GPA33: variants seen among roughly 807,000 people sequenced by gnomAD.
GPA33 encodes cell surface A33 antigen.
Under a neutral mutation model 35.6 loss-of-function variants are expected in GPA33, and 27 were observed. That is an observed-to-expected ratio of 0.76 (90% CI 0.56 to 1.04). The LOEUF is 1.04. GPA33 is among the 50% of genes least tolerant of loss of function. GPA33 has a pLI of 0.00. For missense variants in GPA33, 428 were observed against 411.9 expected (o/e 1.04, Z -0.34); for synonymous variants, 176 against 164.0 (o/e 1.07, Z -0.56).
At chr1:167,058,185 C>T (rs2025887) in intron 4 of GPA33, 66,269 of 151,656 alleles carry the variant, frequency 0.44, 14,900 homozygotes, top group South Asian at 0.6. Context: ...AGTAACAAAG[C>T]GAGATTCCAT....
intron 4 of GPA33, among the ~76,000 whole-genome samples, chr1:167,062,714 C>T (rs1226772949): frequency 1.6e-5 from 2 of 125,988 alleles, no homozygotes; most frequent in African/African-American, 2.9e-5. Context: ...CAGTACAAAA[C>T]TGGTCTCCTG....
At chr1:167,075,440 A>T (rs1666805712) in intron 1 of GPA33, among the ~76,000 whole-genome samples, 1 of 152,164 alleles carries the variant, frequency 6.6e-6, no homozygotes, top group Admixed American at 6.5e-5. Context: ...GTGTTAGAGG[A>T]AAACAGGAGT....
At chr1:167,089,983 A>C (rs1270833159) in intron 1 of GPA33, among the ~76,000 whole-genome samples, 2 of 152,098 alleles carry the variant, frequency 1.3e-5, no homozygotes, top group Non-Finnish European at 2.9e-5. Flanking sequence ...CTATAATCTA[A>C]TTTGGGATAA....
chr1:167,083,332 G>A (rs1666989727), intron 1 of GPA33, among the ~76,000 whole-genome samples: 1 of 152,220 alleles, frequency 6.6e-6, no homozygotes, highest in Non-Finnish European at 1.5e-5. Flanking sequence ...CACAGAGGTT[G>A]GAGACAAGCA....
chr1:167,056,001 G>A (rs889678402), intron 4 of GPA33, 152 bp from the exon 5 acceptor site: 12 of 713,248 alleles, frequency 1.7e-5, no homozygotes, highest in African/African-American at 1.2e-4. Context: ...GCTGCAGGAC[G>A]CTTAAACCAG....
rs1319963282 is a variant in GPA33, at chr1:167,055,000, G to A, written c.803C>T (p.Thr268Ile). The change falls in exon 6 of 7, where the codon ACT becomes ATT. Residue 268 changes from threonine to isoleucine, a missense_variant. Transcript: ENST00000367868. Reference sequence around the variant, plus strand: ...CGGCCTTGCATCCTCCTTGTCTTCAGTGTTGTCGTCCTTCCCTCGGCAGCA... The same window carrying A: ...CGGCCTTGCATCCTCCTTGTCTTCAATGTTGTCGTCCTTCCCTCGGCAGCA... ...CCCCRGKDDN[T>I]EDKEDARPNR... is the part of the protein sequence containing the mutation. 3.1e-6 allele frequency: 5 copies of A among 1,614,068 alleles called. No individual in the cohort carries two copies. In the South Asian group the frequency reaches 5.5e-5, roughly 18 times the overall value.
rs759087048 is a variant in GPA33, at chr1:167,055,068, C to T, written c.735G>A (p.Val245=). The T allele has an allele frequency of 1.2e-6, 2 of 1,613,566 alleles. No homozygotes were observed. The highest frequency in any genetic ancestry group is 1.7e-6 in the Non-Finnish European group (2 of 1,179,958). ...TGCCAATGATAATGAGGGCTGCAAC[C>T]ACGCCCACCGCGATGCCCACATACA... The part of the protein sequence containing the change: ...VALYVGIAVG[V]VAALIIIGII... The change falls in exon 6 of 7, where the codon GTG becomes GTA. Residue 245 remains valine, a synonymous_variant. Transcript: ENST00000367868.
intron 1 of GPA33, among the ~76,000 whole-genome samples, chr1:167,089,181 A>T (rs1003192203): frequency 9.2e-5 from 14 of 152,094 alleles, no homozygotes; most frequent in Non-Finnish European, 7.4e-5. Context: ...TTCCCTCGAG[A>T]GCCCCAAGGC....
At chr1:167,056,699 TG>T in intron 4 of GPA33, among the ~76,000 whole-genome samples, 5 of 21,030 alleles carry the variant, frequency 2.4e-4, no homozygotes, top group East Asian at 1.3e-3. Context: ...GGTGGGTGTG[TG>T]GTGTGTGTAG....
chr1:167,090,130 C>A lies in GPA33; in HGVS notation c.43+115G>T, dbSNP rs558527824. 5.2e-4 allele frequency: 406 copies of A among 778,414 alleles called. 5 individuals are homozygous for A. In the South Asian group the frequency reaches 5.7e-3, roughly 11 times the overall value. The allele number at this position is 778,414 out of a possible 1,614,324, so 48.2% of individuals were successfully genotyped here. A position where few individuals can be genotyped will look rare whatever the true frequency, so the allele number is the denominator to read the frequency against. On this transcript the variant is annotated intron_variant, in intron 1 of 6. Transcript: ENST00000367868. Reference sequence around the variant, plus strand: ...GTGTAATTCTGGCCCAGCAGGAACGCAGCTGTGTTGCTGGAGGCCCTTCCT... The same window carrying A: ...GTGTAATTCTGGCCCAGCAGGAACGAAGCTGTGTTGCTGGAGGCCCTTCCT...
chr1:167,073,949 T>C (rs912139329), intron 1 of GPA33, among the ~76,000 whole-genome samples: 1 of 152,120 alleles, frequency 6.6e-6, no homozygotes, highest in Non-Finnish European at 1.5e-5. Flanking sequence ...AAACTCTCAA[T>C]AAACATTACC....
chr1:167,056,781 GTGTA>G (rs1558002084), intron 4 of GPA33, among the ~76,000 whole-genome samples: 8 of 922 alleles, frequency 8.7e-3, no homozygotes, highest in Admixed American at 0.013. Flanking sequence ...TGTGTGGCAT[GTGTA>G]GTGTGGTGCG....
intron 1 of GPA33, among the ~76,000 whole-genome samples, chr1:167,084,651 T>C (rs1338524396): frequency 5.9e-5 from 9 of 152,182 alleles, no homozygotes; most frequent in African/African-American, 2.2e-4. Flanking sequence ...AGCTTGTCTG[T>C]GGAGAGGCCC....
At chr1:167,063,849 G>T in intron 3 of GPA33, 112 bp from the exon 4 acceptor site, 2 of 696,042 alleles carry the variant, frequency 2.9e-6, no homozygotes, top group Non-Finnish European at 4.5e-6. Flanking sequence ...TTTGTTCACA[G>T]GCAGAAAACT....
In GPA33 at chr1:167,073,502, C is replaced by T. The variant is rs142251750; in HGVS notation, c.81G>A (p.Pro27=). The change falls in exon 2 of 7, where the codon CCG becomes CCA. Residue 27 remains proline, a synonymous_variant. Coordinates refer to ENST00000367868, the MANE Select transcript of GPA33 (RefSeq NM_005814.3). ...CCTGCGAAGCCCGAAGAACGTCCTGCGGAGTTTCCACAGAGATGGCATCGA... is the reference window on the plus strand; with the variant it reads ...CCTGCGAAGCCCGAAGAACGTCCTGTGGAGTTTCCACAGAGATGGCATCGA... ...VTVDAISVET[P]QDVLRASQGK... 110 of 1,613,468 alleles carry T rather than the reference C, an allele frequency of 6.8e-5. No individual in the cohort carries two copies. Among genetic ancestry groups the T allele is most frequent in the Admixed American group, 5.0e-4 (30 of 60,002 alleles).
Position 167,054,206 on chromosome 1 carries a change from G to A in GPA33, c.*128C>T, listed in dbSNP as rs1390743057. The A allele has an allele frequency of 2.4e-6, 3 of 1,240,158 alleles. No individual in the cohort carries two copies. The highest frequency in any genetic ancestry group is 3.0e-5 in the African/African-American group (2 of 67,384). 76.8% of individuals were successfully genotyped at this position (1,240,158 alleles called of 1,614,324 possible). A position where few individuals can be genotyped will look rare whatever the true frequency, so the allele number is the denominator to read the frequency against. On this transcript the variant is annotated 3_prime_UTR_variant, in exon 7 of 7. Transcript: ENST00000367868. The stretch of plus-strand genomic sequence containing the variant: ...CATGTTCCCCACAGCTGACACTGGG[G>A]AAGAAATGTCCCCATCAATGTCTGG...
intron 1 of GPA33, among the ~76,000 whole-genome samples, chr1:167,077,804 C>T (rs1666854334): frequency 6.6e-6 from 1 of 152,206 alleles, no homozygotes; most frequent in South Asian, 2.1e-4. Flanking sequence ...AATTACATCT[C>T]AATGGTACAG....
intron 1 of GPA33, among the ~76,000 whole-genome samples, chr1:167,080,751 G>A (rs1469523231): frequency 6.6e-6 from 1 of 152,188 alleles, no homozygotes; most frequent in Non-Finnish European, 1.5e-5. Flanking sequence ...GGCAATCTAG[G>A]TTGTCATGTC....
intron 3 of GPA33, among the ~76,000 whole-genome samples, chr1:167,066,510 T>G (rs1666595132): frequency 6.6e-6 from 1 of 152,136 alleles, no homozygotes; most frequent in African/African-American, 2.4e-5. Flanking sequence ...CAGGAACCCC[T>G]GCTCTCACCC....
Sources: allele counts gnomAD v4.1 joint callset (sites outside exome capture counted in the v4.1 genomes callset), GRCh38; gene constraint gnomAD v4.1.1; transcripts MANE v1.5; gene names NCBI Gene and HGNC (gene_info 2026-07-23, HGNC 2026-07-21).